DENND2B: variants seen among roughly 807,000 people sequenced by gnomAD.
DENND2B encodes DENN domain containing 2B.
In DENND2B, 32 loss-of-function variants were observed where a neutral mutation model predicts 116.0. The observed-to-expected ratio is 0.28, with a 90% CI of 0.21 to 0.37. The LOEUF (loss-of-function observed/expected upper bound fraction) is 0.37, where lower values mean the gene tolerates loss of function less well. Among genes scored for constraint, DENND2B ranks in the 10% least tolerant of loss-of-function variants. The probability of loss-of-function intolerance (pLI) is 1.00; values close to 1 mark genes in which losing one functional copy is unlikely to be tolerated. For synonymous variants in DENND2B, 588 were observed against 583.9 expected (o/e 1.01, Z -0.10); for missense variants, 1,276 against 1,477.7 (o/e 0.86, Z 2.24).
At chr11:8,710,997 C>G (rs1455452281) in intron 10 of DENND2B, 83 bp from the exon 11 acceptor site, 1 of 1,584,156 alleles carries the variant, frequency 6.3e-7, no homozygotes, top group Non-Finnish European at 8.6e-7. Flanking sequence ...GTCATTTTCA[C>G]GTGGGGTGAA....
rs539481743 is a variant in DENND2B at position 8,885,252 on chromosome 11, T to C, written c.-255-4143A>G. 1.1e-3 allele frequency among the ~76,000 whole-genome samples: 162 copies of C among 152,376 alleles called. 1 individual carries two copies. Among genetic ancestry groups the C allele is most frequent in the Non-Finnish European group, 9.7e-4 (66 of 68,030 alleles). ...AATTATTCTCTTGCCACCTGTCCCA[T>C]GCCATGCATATCAGTCTCATCACAG... On this transcript the variant is annotated intron_variant, in intron 1 of 22. Coordinates refer to the DENND2B transcript ENST00000534127.
chr11:8,789,190 G>A (rs2059163402), intron 1 of DENND2B, among the ~76,000 whole-genome samples: 2 of 152,146 alleles, frequency 1.3e-5, no homozygotes, highest in African/African-American at 4.8e-5. Flanking sequence ...GAAGAGTACT[G>A]GACAAGAATA....
At chr11:8,872,787 G>T (rs1212564268), upstream of DENND2B, among the ~76,000 whole-genome samples, 1 of 152,170 alleles carries the variant, frequency 6.6e-6, no homozygotes, top group Non-Finnish European at 1.5e-5. Flanking sequence ...TTCAGCTGTT[G>T]TTGAGGCACA....
chr11:8,909,233 A>T (rs543816678), intron 1 of DENND2B, among the ~76,000 whole-genome samples: 2 of 152,316 alleles, frequency 1.3e-5, no homozygotes, highest in Admixed American at 6.5e-5. Context: ...TGTCTCTACG[A>T]AACATTTAAA....
intron 3 of DENND2B, among the ~76,000 whole-genome samples, chr11:8,856,355 A>C (rs1385093762): frequency 6.6e-6 from 1 of 152,214 alleles, no homozygotes. Context: ...GCTGACTTTC[A>C]AAGTGTTTTG....
intron 2 of DENND2B, among the ~76,000 whole-genome samples, chr11:8,748,800 C>T (rs1362866473): frequency 1.3e-5 from 2 of 152,052 alleles, no homozygotes; most frequent in Admixed American, 6.6e-5. Context: ...TTTCTGAAAA[C>T]ACTTAGAAGT....
intron 1 of DENND2B, among the ~76,000 whole-genome samples, chr11:8,804,236 G>A (rs1191041966): frequency 6.6e-6 from 1 of 152,176 alleles, no homozygotes; most frequent in African/African-American, 2.4e-5. Flanking sequence ...TAACGTGTAG[G>A]CCAGGTCTGA....
chr11:8,839,112 T>C (rs1410941562), intron 4 of DENND2B, among the ~76,000 whole-genome samples: 1 of 152,114 alleles, frequency 6.6e-6, no homozygotes, highest in African/African-American at 2.4e-5. Flanking sequence ...TAACAGAAGC[T>C]AGAATAAAGC....
At chr11:8,718,797 T>C (rs1027365187) in intron 4 of DENND2B, 3 of 1,006,242 alleles carry the variant, frequency 3.0e-6, no homozygotes, top group Non-Finnish European at 3.6e-6. Context: ...ATCCCTGCCC[T>C]TGAAGATGTT....
chr11:8,716,058 G>A (rs2044701709), intron 5 of DENND2B, among the ~76,000 whole-genome samples: 1 of 152,242 alleles, frequency 6.6e-6, no homozygotes, highest in Non-Finnish European at 1.5e-5. Context: ...CGAAAGCAGA[G>A]GCTAAAAACA....
At chr11:8,844,498 A>T (rs1269064190) in intron 3 of DENND2B, among the ~76,000 whole-genome samples, 1 of 145,544 alleles carries the variant, frequency 6.9e-6, no homozygotes, top group East Asian at 2.1e-4. Flanking sequence ...ATGGACTCTA[A>T]ATGCCATAGT....
intron 1 of DENND2B, among the ~76,000 whole-genome samples, chr11:8,781,788 A>C (rs144129333): frequency 1.3e-5 from 2 of 152,334 alleles, no homozygotes; most frequent in African/African-American, 4.8e-5. Context: ...CCAACTGAAA[A>C]ATAAGTAAAA....
At chr11:8,775,751 AAATTTT>A (rs2057537525) in intron 1 of DENND2B, among the ~76,000 whole-genome samples, 1 of 152,162 alleles carries the variant, frequency 6.6e-6, no homozygotes, top group South Asian at 2.1e-4. Context: ...ATCTTCTTTG[AAATTTT>A]TCTCCACTTT....
intron 2 of DENND2B, among the ~76,000 whole-genome samples, chr11:8,739,416 T>C (rs1389239449): frequency 6.6e-6 from 1 of 152,254 alleles, no homozygotes; most frequent in African/African-American, 2.4e-5. Flanking sequence ...TTACTCTGAG[T>C]GTCCTCACAC....
At position 8,841,922 on chromosome 11, in the gene DENND2B, A is replaced by G. The variant is rs531929709; in HGVS notation, c.-155-2572T>C. ...GGGTACTTGGGTTTTCAGGCCAGTT[A>G]GCTGGATACCATGAGTTCCCCAGTT... is the stretch of plus-strand genomic sequence containing the variant. On this transcript the variant is annotated intron_variant, in intron 3 of 6. Transcript: ENST00000524757. Among the ~76,000 whole-genome samples the G allele has an allele frequency of 1.3e-4, 20 of 152,334 alleles. 1 individual carries two copies. In the South Asian group the frequency reaches 3.7e-3, roughly 28 times the overall value.
intron 1 of DENND2B, among the ~76,000 whole-genome samples, chr11:8,882,263 T>C (rs990463062): frequency 6.6e-6 from 1 of 152,182 alleles, no homozygotes; most frequent in Admixed American, 6.5e-5. Flanking sequence ...CCAGAAAATA[T>C]TATGAAAGGT....
intron 4 of DENND2B, among the ~76,000 whole-genome samples, chr11:8,817,537 CT>C (rs2061610608): frequency 6.6e-6 from 1 of 152,166 alleles, no homozygotes; most frequent in South Asian, 2.1e-4. Flanking sequence ...CACCCCACCC[CT>C]GACCTTAAGG....
chr11:8,909,432 G>GAGT (rs1222230346), intron 1 of DENND2B, among the ~76,000 whole-genome samples: 1 of 39,608 alleles, frequency 2.5e-5, no homozygotes, highest in South Asian at 2.6e-3. Flanking sequence ...GAAGGAGGAG[G>GAGT]AGGAGGAAGA....
chr11:8,828,693 C>T (rs544529582), intron 4 of DENND2B, among the ~76,000 whole-genome samples: 16 of 152,262 alleles, frequency 1.1e-4, no homozygotes, highest in Admixed American at 4.6e-4. Context: ...CAGAAGGACT[C>T]CAGCTTCTGA....
Sources: allele counts gnomAD v4.1 joint callset (sites outside exome capture counted in the v4.1 genomes callset), GRCh38; gene constraint gnomAD v4.1.1; transcripts MANE v1.5; gene names NCBI Gene and HGNC (gene_info 2026-07-23, HGNC 2026-07-21).